Variants in XRCC4 observed in about 807,000 individuals in gnomAD.
The protein encoded by XRCC4 is X-ray repair cross complementing 4.
In XRCC4, 28 loss-of-function variants were observed where a neutral mutation model predicts 39.1. That is an observed-to-expected ratio of 0.72 (90% CI 0.53 to 0.98). XRCC4 has a LOEUF of 0.98. Ranked by LOEUF, XRCC4 falls within the 50% of genes least tolerant of loss-of-function variation. The pLI is 0.00. For synonymous variants in XRCC4, 123 were observed against 126.4 expected, an observed-to-expected ratio of 0.97 and a Z score of 0.18; for missense variants, 350 against 376.4, an observed-to-expected ratio of 0.93 and a Z score of 0.58.
chr5:83,085,026 A>G (rs999150654), intron 1 of XRCC4, among the ~76,000 whole-genome samples: 1 of 152,236 alleles, frequency 6.6e-6, no homozygotes, highest in Non-Finnish European at 1.5e-5. Flanking sequence ...AGGACATTGT[A>G]TCCTGAATTT....
chr5:83,163,314 A>G (rs1749309105), intron 3 of XRCC4, among the ~76,000 whole-genome samples: 1 of 152,142 alleles, frequency 6.6e-6, no homozygotes, highest in Non-Finnish European at 1.5e-5. Context: ...TATAATTCTG[A>G]ATAAATGAGA....
intron 5 of XRCC4, among the ~76,000 whole-genome samples, chr5:83,204,567 A>T (rs558393835): frequency 6.6e-6 from 1 of 152,254 alleles, no homozygotes; most frequent in East Asian, 1.9e-4. Flanking sequence ...ACCTGATAAG[A>T]AACTGATTTA....
At chr5:83,200,242 A>C (rs1349014934) in intron 4 of XRCC4, among the ~76,000 whole-genome samples, 2 of 152,198 alleles carry the variant, frequency 1.3e-5, no homozygotes, top group Non-Finnish European at 2.9e-5. Context: ...TTAAAAGTTA[A>C]GAGTAAATTC....
At chr5:83,342,452 C>T (rs1756790480) in intron 7 of XRCC4, among the ~76,000 whole-genome samples, 1 of 152,240 alleles carries the variant, frequency 6.6e-6, no homozygotes, top group Admixed American at 6.5e-5. Context: ...TGTATTCACT[C>T]TTTATTATTC....
intron 7 of XRCC4, among the ~76,000 whole-genome samples, chr5:83,263,012 A>G (rs905459732): frequency 9.6e-6 from 1 of 104,142 alleles, no homozygotes; most frequent in Non-Finnish European, 1.8e-5. Flanking sequence ...ACCCCACCAC[A>G]GTCCCCAGAG....
In XRCC4 at chr5:83,107,348, C is replaced by T. The variant is rs141610436; in HGVS notation, c.139+2290C>T. On this transcript the variant is annotated intron_variant, in intron 2 of 7. Coordinates refer to ENST00000396027, the MANE Select transcript of XRCC4 (RefSeq NM_003401.5). Reference sequence around the variant, plus strand: ...CATTGAAACAATTAAATAATTGAAACATGGAAACGGATTTCCTTCCGATAC... The same window carrying T: ...CATTGAAACAATTAAATAATTGAAATATGGAAACGGATTTCCTTCCGATAC... Among the ~76,000 whole-genome samples, 465 of 151,808 alleles carry T rather than the reference C, an allele frequency of 3.1e-3. 13 individuals are homozygous for T. Among genetic ancestry groups the T allele is most frequent in the Admixed American group, 0.026 (398 of 15,232 alleles).
At chr5:83,280,168 A>G (rs544467262) in intron 7 of XRCC4, 7 of 261,678 alleles carry the variant, frequency 2.7e-5, no homozygotes, top group East Asian at 1.0e-4. Context: ...TTTCCCATCA[A>G]TACAGGATGC....
intron 1 of XRCC4, among the ~76,000 whole-genome samples, chr5:83,090,802 T>C (rs1248761666): frequency 6.6e-6 from 1 of 152,224 alleles, no homozygotes; most frequent in East Asian, 1.9e-4. Context: ...TTGCCAACTC[T>C]GTGCGAGGAG....
chr5:83,365,974 C>T, the XRCC4 span, among the ~76,000 whole-genome samples: 1 of 152,162 alleles, frequency 6.6e-6, no homozygotes, highest in Non-Finnish European at 1.5e-5. Flanking sequence ...ACCTGTTCTT[C>T]TTACAGGAAT....
At chr5:83,271,086 G>C (rs1754132000) in intron 7 of XRCC4, among the ~76,000 whole-genome samples, 1 of 152,098 alleles carries the variant, frequency 6.6e-6, no homozygotes, top group African/African-American at 2.4e-5. Context: ...GAACCTGATT[G>C]AAGTTTTCTG....
chr5:83,273,131 A>G (rs1754200667), intron 7 of XRCC4, among the ~76,000 whole-genome samples: 2 of 152,202 alleles, frequency 1.3e-5, no homozygotes, highest in African/African-American at 4.8e-5. Context: ...CTGGAGTGAG[A>G]TAGTATCTCA....
chr5:83,112,705 A>G (rs1746501142), intron 3 of XRCC4, among the ~76,000 whole-genome samples: 1 of 152,194 alleles, frequency 6.6e-6, no homozygotes, highest in Non-Finnish European at 1.5e-5. Flanking sequence ...AGAGGAGCAA[A>G]GTCACATCTT....
At chr5:83,140,455 G>T (rs1055847698) in intron 3 of XRCC4, among the ~76,000 whole-genome samples, 1 of 152,020 alleles carries the variant, frequency 6.6e-6, no homozygotes, top group East Asian at 1.9e-4. Context: ...TGTTCTAGCC[G>T]CACTGGCAGC....
intron 1 of XRCC4, among the ~76,000 whole-genome samples, chr5:83,089,974 A>G (rs190154086): frequency 2.1e-4 from 32 of 152,274 alleles, no homozygotes; most frequent in Admixed American, 1.7e-3. Flanking sequence ...CAGGACTTCA[A>G]TGCCCTTCTG....
At chr5:83,094,885 T>C (rs1051053919) in intron 1 of XRCC4, among the ~76,000 whole-genome samples, 1 of 22,074 alleles carries the variant, frequency 4.5e-5, no homozygotes, top group African/African-American at 3.0e-4. Context: ...TTCTGAAATC[T>C]TTTTTTTTTT....
intron 3 of XRCC4, among the ~76,000 whole-genome samples, chr5:83,164,446 C>T (rs1007799412): frequency 3.9e-5 from 6 of 152,106 alleles, no homozygotes; most frequent in Admixed American, 1.3e-4. Context: ...CTAATTTAAG[C>T]ATGTATCACA....
intron 3 of XRCC4, among the ~76,000 whole-genome samples, chr5:83,133,235 A>T (rs1747695226): frequency 6.6e-6 from 1 of 152,120 alleles, no homozygotes; most frequent in Admixed American, 6.6e-5. Context: ...CTGCTGCCTG[A>T]TGCTTCTTCT....
At chr5:83,281,695 C>T (rs956011779) in intron 7 of XRCC4, among the ~76,000 whole-genome samples, 1 of 152,148 alleles carries the variant, frequency 6.6e-6, no homozygotes, top group Non-Finnish European at 1.5e-5. Context: ...AACTTGTGGG[C>T]AATTTGCATT....
At chr5:83,120,282 G>A (rs191103649) in intron 3 of XRCC4, among the ~76,000 whole-genome samples, 3 of 152,250 alleles carry the variant, frequency 2.0e-5, no homozygotes, top group East Asian at 1.9e-4. Flanking sequence ...AATTCAGGCC[G>A]CTGTTTTATG....
Sources: gnomAD v4.1 joint callset for allele counts (sites outside exome capture counted in the v4.1 genomes callset) on GRCh38, gnomAD v4.1.1 for gene constraint, MANE v1.5 for transcripts, NCBI Gene and HGNC (gene_info 2026-07-23, HGNC 2026-07-21) for gene names.